Variants in USP7 observed in about 807,000 individuals in gnomAD.
The protein encoded by USP7 is ubiquitin C-terminal hydrolase 7.
In USP7, 9 loss-of-function variants were observed where a neutral mutation model predicts 162.9. The ratio of observed to expected loss-of-function variants is 0.06; its 90% CI spans 0.03 to 0.10. The LOEUF (loss-of-function observed/expected upper bound fraction) is 0.10. Among genes scored for constraint, USP7 ranks in the 10% least tolerant of loss-of-function variants. The pLI, the probability that USP7 is intolerant of heterozygous loss-of-function variation, is 1.00. For synonymous variants in USP7, 562 were observed against 475.9 expected (o/e 1.18, Z -2.35); for missense variants, 715 against 1,373.7 (o/e 0.52, Z 7.58).
intron 1 of USP7, among the ~76,000 whole-genome samples, chr16:8,936,339 G>C (rs1622768): frequency 0.71 from 107,471 of 151,968 alleles, 40,396 homozygotes; most frequent in East Asian, 0.87. Flanking sequence ...CTCCCTCTGG[G>C]TTCTGCATGG....
chr16:8,899,793 G>C (rs1369834694), intron 21 of USP7, 36 bp from the exon 22 acceptor site: 1 of 1,613,142 alleles, frequency 6.2e-7, no homozygotes, highest in Admixed American at 1.7e-5. Flanking sequence ...CTGAATCAAA[G>C]TCCATGGCAG....
At chr16:8,922,676 T>C (rs1040840813) in intron 3 of USP7, among the ~76,000 whole-genome samples, 2 of 152,220 alleles carry the variant, frequency 1.3e-5, no homozygotes, top group Non-Finnish European at 2.9e-5. Flanking sequence ...CAGAATCAAC[T>C]GGGTTTTTGA....
chr16:8,903,250 C>T lies in USP7; in HGVS notation c.1839+18G>A, dbSNP rs1366647938. On this transcript the variant is annotated intron_variant, in intron 16 of 30. Transcript: ENST00000344836. Reference sequence around the variant, plus strand: ...GTTGGGAGCCACGGTGGGGTATATCCACGGGACCGGTACGCACCATGGTCT... The same window carrying T: ...GTTGGGAGCCACGGTGGGGTATATCTACGGGACCGGTACGCACCATGGTCT... 1.2e-6 allele frequency: 2 copies of T among 1,604,360 alleles called. No individual in the cohort carries two copies. The highest frequency in any genetic ancestry group is 1.7e-6 in the Non-Finnish European group (2 of 1,174,354).
chr16:8,915,177 T>C (rs1175603175), intron 10 of USP7, 77 bp downstream of exon 10: 3 of 1,332,654 alleles, frequency 2.3e-6, no homozygotes, highest in Admixed American at 2.2e-5. Flanking sequence ...TAAAAAAACA[T>C]CACTTGTGTA....
intron 2 of USP7, among the ~76,000 whole-genome samples, chr16:8,929,846 C>G (rs968961044): frequency 2.6e-5 from 4 of 152,220 alleles, no homozygotes; most frequent in Non-Finnish European, 4.4e-5. Context: ...AAGCTTGAAT[C>G]TGATTTCATC....
chr16:8,901,066 AAG>A lies in USP7; in HGVS notation c.2141-11_2141-10del. On this transcript the variant is annotated splice_polypyrimidine_tract_variant and intron_variant, in intron 19 of 30. Coordinates refer to ENST00000344836, the MANE Select transcript of USP7 (RefSeq NM_003470.3). ...AACTGGGAGCAAGTCACCTAGGAGA[AAG>A]AAGATATTTTAAATGTGTAGCTGTA... is the stretch of plus-strand genomic sequence containing the variant. 6.2e-7 allele frequency: 1 copy of A among 1,614,146 alleles called. No homozygotes were observed. The highest frequency in any genetic ancestry group is 1.1e-5 in the South Asian group (1 of 91,086).
At chr16:8,908,268 G>A in intron 12 of USP7, 73 bp downstream of exon 12, 1 of 1,215,608 alleles carries the variant, frequency 8.2e-7, no homozygotes, top group Non-Finnish European at 1.2e-6. Context: ...TAAAGACTGA[G>A]GAAAGCACTG....
intron 3 of USP7, 91 bp from the exon 4 acceptor site, chr16:8,921,386 C>G: frequency 1.4e-6 from 2 of 1,448,872 alleles, no homozygotes; most frequent in Non-Finnish European, 1.9e-6. Context: ...ACCAAAATTC[C>G]CATTTATGAT....
intron 21 of USP7, 39 bp from the exon 22 acceptor site, chr16:8,899,796 C>G (rs766933364): frequency 6.2e-7 from 1 of 1,612,116 alleles, no homozygotes; most frequent in Non-Finnish European, 8.5e-7. Flanking sequence ...AATCAAAGTC[C>G]ATGGCAGGGG....
chr16:8,898,268 T>C, intron 25 of USP7, 92 bp downstream of exon 25: 1 of 1,079,962 alleles, frequency 9.3e-7, no homozygotes, highest in Non-Finnish European at 1.4e-6. Context: ...AGTGTTTTTC[T>C]GTGGTGTCTT....
intron 2 of USP7, 36 bp from the exon 3 acceptor site, chr16:8,923,449 T>C: frequency 6.2e-7 from 1 of 1,607,622 alleles, no homozygotes; most frequent in East Asian, 2.2e-5. Context: ...ACAGAGCCTG[T>C]GCATTGACCA....
intron 2 of USP7, among the ~76,000 whole-genome samples, chr16:8,928,559 C>G (rs892320834): frequency 1.3e-5 from 2 of 152,180 alleles, no homozygotes; most frequent in Non-Finnish European, 2.9e-5. Flanking sequence ...TGTACTGCAG[C>G]TGGAAAACGC....
At chr16:8,936,855 A>T in intron 1 of USP7, 1 of 872,020 alleles carries the variant, frequency 1.1e-6, no homozygotes, top group Non-Finnish European at 1.5e-6. Flanking sequence ...AAAGAATCTG[A>T]CTTTGGTTAA....
intron 1 of USP7, among the ~76,000 whole-genome samples, chr16:8,961,503 A>AAG (rs1900009265): frequency 1.7e-5 from 1 of 58,538 alleles, no homozygotes; most frequent in Non-Finnish European, 4.0e-5. Context: ...AAAAAAAAAA[A>AAG]AGGGGGGGGG....
chr16:8,958,509 C>A (rs1436194794), intron 1 of USP7, among the ~76,000 whole-genome samples: 1 of 152,168 alleles, frequency 6.6e-6, no homozygotes, highest in East Asian at 1.9e-4. Flanking sequence ...GAAGCAGGAC[C>A]AAGAGGGAGG....
intron 1 of USP7, chr16:8,949,427 A>G (rs1371200389): frequency 6.6e-6 from 1 of 152,228 alleles, no homozygotes; most frequent in Non-Finnish European, 1.5e-5. Flanking sequence ...TACAACCTCA[A>G]AGTCTAGTGG....
chr16:8,955,196 TTC>T (rs1300860176), intron 1 of USP7, among the ~76,000 whole-genome samples: 1 of 152,244 alleles, frequency 6.6e-6, no homozygotes, highest in Non-Finnish European at 1.5e-5. Context: ...AAACTTGGGT[TTC>T]TCTTTCCGTA....
chr16:8,960,467 A>C (rs1432199936), intron 1 of USP7, among the ~76,000 whole-genome samples: 1 of 152,220 alleles, frequency 6.6e-6, no homozygotes, highest in Non-Finnish European at 1.5e-5. Context: ...GAGCAAACTC[A>C]CACTGACCTA....
intron 1 of USP7, chr16:8,935,973 A>C (rs1898690820): frequency 6.6e-6 from 1 of 152,234 alleles, no homozygotes; most frequent in Non-Finnish European, 1.5e-5. Context: ...GATCAGAATA[A>C]GCAAGATTCC....
Sources: allele counts gnomAD v4.1 joint callset (sites outside exome capture counted in the v4.1 genomes callset), GRCh38; gene constraint gnomAD v4.1.1; transcripts MANE v1.5; gene names NCBI Gene and HGNC (gene_info 2026-07-23, HGNC 2026-07-21).